The following CYFIP2 variants were observed in gnomAD, a reference collection of about 807,000 sequenced individuals.
CYFIP2 encodes the protein cytoplasmic FMR1 interacting protein 2.
A neutral mutation model predicts 158.7 loss-of-function variants in CYFIP2; 29 were observed. The observed-to-expected ratio is 0.18, with a 90% CI of 0.14 to 0.25. The LOEUF is 0.25. Among genes scored for constraint, CYFIP2 ranks in the 10% least tolerant of loss-of-function variants. The pLI is 1.00. For missense variants in CYFIP2, 852 were observed against 1,639.5 expected (o/e 0.52, Z 8.29); for synonymous variants, 585 against 617.6 (o/e 0.95, Z 0.78).
chr5:157,283,411 T>C (rs766044478), intron 1 of CYFIP2, among the ~76,000 whole-genome samples: 4 of 152,144 alleles, frequency 2.6e-5, no homozygotes, highest in Admixed American at 6.5e-5. Context: ...ATGGACCTAG[T>C]AGTAGTGTAA....
chr5:157,356,754 G>C (rs767643279), intron 23 of CYFIP2, among the ~76,000 whole-genome samples: 20 of 152,324 alleles, frequency 1.3e-4, no homozygotes, highest in Middle Eastern at 3.4e-3. Context: ...CTAGCATTTT[G>C]CATATCCTAC....
intron 1 of CYFIP2, among the ~76,000 whole-genome samples, chr5:157,273,238 A>G (rs1187203396): frequency 6.6e-6 from 1 of 152,110 alleles, no homozygotes; most frequent in Non-Finnish European, 1.5e-5. Flanking sequence ...CAGGAAGTGC[A>G]GTGTTAACCC....
chr5:157,354,582 G>A (rs545704926), intron 23 of CYFIP2, among the ~76,000 whole-genome samples: 2 of 152,050 alleles, frequency 1.3e-5, no homozygotes, highest in African/African-American at 4.8e-5. Context: ...TGAGGGGTCG[G>A]GGGGGATTTT....
At chr5:157,383,932 C>T (rs192678284) in intron 28 of CYFIP2, among the ~76,000 whole-genome samples, 157 of 152,258 alleles carry the variant, frequency 1.0e-3, no homozygotes, top group Non-Finnish European at 1.7e-3. Context: ...TTGGATGAAG[C>T]AAGCTGCACT....
intron 9 of CYFIP2, among the ~76,000 whole-genome samples, chr5:157,308,853 C>T (rs1015307511): frequency 4.6e-5 from 7 of 152,180 alleles, no homozygotes; most frequent in Non-Finnish European, 1.0e-4. Flanking sequence ...GAAATACAAC[C>T]TCTCCCTTGG....
At chr5:157,289,783 GC>G (rs1264008145) in intron 3 of CYFIP2, among the ~76,000 whole-genome samples, 31 of 152,240 alleles carry the variant, frequency 2.0e-4, no homozygotes, top group African/African-American at 6.3e-4. Flanking sequence ...ACACAATTCA[GC>G]CCATAACAGA....
intron 18 of CYFIP2, among the ~76,000 whole-genome samples, 195 bp downstream of exon 18, chr5:157,326,462 G>A (rs946935936): frequency 6.6e-6 from 1 of 152,216 alleles, no homozygotes; most frequent in Non-Finnish European, 1.5e-5. Context: ...CTCAGGGCCT[G>A]CTGCCTTTCT....
rs1158518688 is a variant in CYFIP2 at position 157,319,871 on chromosome 5, T to A, written c.1466T>A (p.Val489Glu). 6.2e-7 allele frequency: 1 copy of A among 1,614,056 alleles called. No individual in the cohort carries two copies. ...IYAALQDFAQ[V>E]TLREPLRQAV... ...GCGGCATTGCAGGACTTCGCCCAGG[T>A]GACGCTGCGTGAGCCCCTGCGGCAG... The change falls in exon 14 of 31, where the codon GTG becomes GAG. Residue 489 changes from valine (V) to glutamate (E), a missense_variant. Val to Glu is a moderately radical substitution (Grantham distance 121, BLOSUM62 -2). Coordinates refer to ENST00000620254, the MANE Select transcript of CYFIP2 (RefSeq NM_001037333.3).
In CYFIP2 at chr5:157,361,610, GC is replaced by G. The variant is rs778044949; in HGVS notation, c.3039+15del. The G allele has an allele frequency of 5.6e-6, 9 of 1,613,780 alleles. No homozygotes were observed. The East Asian group carries it at 1.8e-4, about 32-fold the overall frequency. ...TAGAGCAAGCTCTGGTAAGTCCAGA[GC>G]CCAAAGGAAGTGGGGTGTCTCCAGG... On this transcript the variant is annotated intron_variant, in intron 26 of 30. Coordinates refer to ENST00000620254, the MANE Select transcript of CYFIP2 (RefSeq NM_001037333.3). This position sits in a 1 kb window ranked among gnomAD's most constrained non-coding sequence, Gnocchi z 4.4.
At chr5:157,310,415 T>C (rs934024689) in intron 10 of CYFIP2, among the ~76,000 whole-genome samples, 4 of 152,112 alleles carry the variant, frequency 2.6e-5, no homozygotes, top group African/African-American at 9.7e-5. Context: ...AGTTATGGCC[T>C]CTCCACACAG....
intron 11 of CYFIP2, 65 bp from the exon 12 acceptor site, chr5:157,314,279 C>A: frequency 6.4e-7 from 1 of 1,565,852 alleles, no homozygotes; most frequent in Non-Finnish European, 8.7e-7. Context: ...TTGGGGGAAT[C>A]AATGAGATAA....
intron 26 of CYFIP2, 84 bp from the exon 27 acceptor site, chr5:157,382,506 C>T: frequency 3.5e-6 from 5 of 1,440,866 alleles, no homozygotes; most frequent in Non-Finnish European, 4.8e-6. Context: ...CTAGCTAACT[C>T]CAGTGCTCAG....
rs997153794 is a variant in CYFIP2, at chr5:157,338,985, A to G, written c.2386-72A>G. The G allele has an allele frequency of 3.5e-6, 5 of 1,439,276 alleles. No homozygotes were observed. The African/African-American group carries it at 7.1e-5, about 20-fold the overall frequency. 89.2% of individuals were successfully genotyped at this position (1,439,276 alleles called of 1,614,324 possible). ...AGCTGTCACTTGCGTGAACAGAAGC[A>G]GTAAGATAAAACACACACATGTAAT... On this transcript the variant is annotated intron_variant, in intron 21 of 30. Transcript: ENST00000620254.
At chr5:157,296,594 A>AAAAAC (rs1179750832) in intron 4 of CYFIP2, 79 bp from the exon 5 acceptor site, 14 of 1,395,228 alleles carry the variant, frequency 1.0e-5, no homozygotes, top group African/African-American at 8.5e-5. Flanking sequence ...ACCCTGTCTC[A>AAAAAC]AAAACAAAAC....
At chr5:157,289,422 C>G (rs1319427336) in intron 3 of CYFIP2, among the ~76,000 whole-genome samples, 1 of 152,240 alleles carries the variant, frequency 6.6e-6, no homozygotes, top group Admixed American at 6.5e-5. Context: ...GTGCCACAGA[C>G]TAAATGGCTT....
At chr5:157,376,822 A>C in intron 26 of CYFIP2, 1 of 448,406 alleles carries the variant, frequency 2.2e-6, no homozygotes, top group South Asian at 1.6e-5. Flanking sequence ...CCAAGCTCAG[A>C]TCTACTCTGC....
chr5:157,266,504 G>A lies in CYFIP2; in HGVS notation c.-24+309G>A, dbSNP rs1755612606. On this transcript the variant is annotated intron_variant, in intron 1 of 30. Transcript: ENST00000620254. This position sits in a 1 kb window ranked among gnomAD's most constrained non-coding sequence, Gnocchi z 4.2. ...GGCCTGGGCCGGAGCCGCCAGCCCG[G>A]GAGGAGGCGGTGCTAATCTCAGGGA... is the stretch of plus-strand genomic sequence containing the variant. The A allele has an allele frequency of 6.6e-6, 1 of 152,252 alleles. No individual in the cohort carries two copies. The highest frequency in any genetic ancestry group is 1.5e-5 in the Non-Finnish European group (1 of 68,078). 9.4% of individuals were successfully genotyped at this position (152,252 alleles called of 1,614,324 possible).
chr5:157,350,924 C>T (rs1026120825), intron 23 of CYFIP2, among the ~76,000 whole-genome samples: 3 of 152,158 alleles, frequency 2.0e-5, no homozygotes, highest in African/African-American at 7.2e-5. Context: ...ATTTGATTCT[C>T]AGCTTGGTCG....
intron 26 of CYFIP2, chr5:157,363,260 T>C (rs1247746634): frequency 1.3e-5 from 2 of 152,248 alleles, no homozygotes; most frequent in African/African-American, 2.4e-5. Flanking sequence ...GGATGCCTCA[T>C]TCTCAGAACC....
Sources: allele counts gnomAD v4.1 joint callset (sites outside exome capture counted in the v4.1 genomes callset), GRCh38; gene constraint gnomAD v4.1.1; non-coding constraint Gnocchi (gnomAD v3.1); transcripts MANE v1.5; gene names NCBI Gene and HGNC (gene_info 2026-07-23, HGNC 2026-07-21).